The following GAA variants were observed in gnomAD, a reference collection of about 807,000 sequenced individuals.
GAA encodes lysosomal alpha-glucosidase.
GAA carries 88 observed loss-of-function variants against 103.9 expected under a neutral mutation model. That is an observed-to-expected ratio of 0.85 (90% CI 0.71 to 1.01). The LOEUF (loss-of-function observed/expected upper bound fraction) is 1.01, where lower values mean the gene tolerates loss of function less well. Among genes scored for constraint, GAA ranks in the 50% least tolerant of loss-of-function variants. The probability of loss-of-function intolerance (pLI) is 0.00; values close to 1 mark genes in which losing one functional copy is unlikely to be tolerated. For synonymous variants in GAA, 572 were observed against 563.1 expected, an observed-to-expected ratio of 1.02 and a Z score of -0.22; for missense variants, 1,350 against 1,305.3, an observed-to-expected ratio of 1.03 and a Z score of -0.53.
chr17:80,110,891 A>T (rs1413842152), intron 10 of GAA, 50 bp from the exon 11 acceptor site: 1 of 1,612,706 alleles, frequency 6.2e-7, no homozygotes, highest in Non-Finnish European at 8.5e-7. Flanking sequence ...GGACTACCCC[A>T]CCCTCCTCAC....
At chr17:80,114,058 T>C (rs909893044) in intron 15 of GAA, among the ~76,000 whole-genome samples, 3 of 133,378 alleles carry the variant, frequency 2.2e-5, no homozygotes, top group East Asian at 2.1e-4. Context: ...GATAAGTGAA[T>C]GTGTATCTCT....
chr17:80,108,416 C>T lies in GAA; in HGVS notation c.1075+7C>T, dbSNP rs1394701272. 6.2e-7 allele frequency: 1 copy of T among 1,613,126 alleles called. No individual in the cohort carries two copies. Among genetic ancestry groups the T allele is most frequent in the African/African-American group, 1.3e-5 (1 of 74,938 alleles). ...CAGTACCTGGACGTTGTGGGTAGGGCCTGCTCCCTGGCCGCGGCCCCCGCC... is the reference window on the plus strand; with the variant it reads ...CAGTACCTGGACGTTGTGGGTAGGGTCTGCTCCCTGGCCGCGGCCCCCGCC... On this transcript the variant is annotated splice_region_variant and intron_variant, in intron 6 of 19. Coordinates refer to ENST00000302262, the MANE Select transcript of GAA (RefSeq NM_000152.5).
At position 80,107,587 on chromosome 17, in the gene GAA, T is replaced by G. The variant is rs1160112655; in HGVS notation, c.723T>G (p.Phe241Leu). 1.2e-6 allele frequency: 2 copies of G among 1,613,022 alleles called. No individual in the cohort carries two copies. The highest frequency in any genetic ancestry group is 1.7e-6 in the Non-Finnish European group (2 of 1,179,886). ...LLNTTVAPLF[F>L]ADQFLQLSTS... ...ACACGACGGTGGCGCCCCTGTTCTT[T>G]GCGGACCAGTTCCTTCAGCTGTCCA... The change falls in exon 4 of 20, where the codon TTT becomes TTG. Residue 241 changes from phenylalanine (F) to leucine (L), a missense_variant. Physicochemically the swap from Phe to Leu is conservative, Grantham distance 22 (BLOSUM62 0). Transcript: ENST00000302262.
rs9901190 is a variant in GAA, at chr17:80,108,051, C to A, written c.955+155C>A. On this transcript the variant is annotated intron_variant, in intron 5 of 19. Transcript: ENST00000302262. ...GGGCTGATGCCTCTCCCAACTCTGGCCTTCTGTGCTCCTAAGGAGGGTTCT... is the reference window on the plus strand; with the variant it reads ...GGGCTGATGCCTCTCCCAACTCTGGACTTCTGTGCTCCTAAGGAGGGTTCT... Among the ~76,000 whole-genome samples, 9,061 of 152,238 alleles carry A rather than the reference C, an allele frequency of 0.06. 545 individuals carry two copies. Among genetic ancestry groups the A allele is most frequent in the South Asian group, 0.15 (722 of 4,826 alleles).
rs1401872637 is a variant in GAA at position 80,111,147 on chromosome 17, G to C, written c.1636+122G>C. On this transcript the variant is annotated intron_variant, in intron 11 of 19. Coordinates refer to ENST00000302262, the MANE Select transcript of GAA (RefSeq NM_000152.5). ...TGGGCCAGCGGGGAAAGGGGCGGGG[G>C]GGGGATCCCCAGGAGAAAGGCTCAG... 3.2e-5 allele frequency: 30 copies of C among 941,954 alleles called. No individual in the cohort carries two copies. In the East Asian group the frequency reaches 5.0e-4, roughly 16 times the overall value. 58.3% of individuals were successfully genotyped at this position (941,954 alleles called of 1,614,324 possible).
chr17:80,118,908 C>A, intron 19 of GAA, 103 bp downstream of exon 19: 1 of 1,396,506 alleles, frequency 7.2e-7, no homozygotes, highest in Non-Finnish European at 9.9e-7. Context: ...ACAGAGGATG[C>A]TGGGACCTCC....
chr17:80,103,253 C>G (rs1334171806), intron 1 of GAA, among the ~76,000 whole-genome samples: 1 of 152,216 alleles, frequency 6.6e-6, no homozygotes, highest in Non-Finnish European at 1.5e-5. Context: ...TTTCTGAAAT[C>G]CTTGCCTGCC....
At chr17:80,109,034 C>T (rs1013586040) in intron 8 of GAA, among the ~76,000 whole-genome samples, 5 of 152,150 alleles carry the variant, frequency 3.3e-5, no homozygotes, top group Non-Finnish European at 5.9e-5. Context: ...CAGAAATGGC[C>T]GGGTGCTACT....
At chr17:80,118,854 C>T (rs370954141) in intron 19 of GAA, 49 bp downstream of exon 19, 134 of 1,604,746 alleles carry the variant, frequency 8.4e-5, no homozygotes, top group Non-Finnish European at 1.1e-4. Flanking sequence ...AGCCGTGGTG[C>T]AGGGGGCAGA....
intron 15 of GAA, among the ~76,000 whole-genome samples, chr17:80,113,793 T>C (rs1477125264): frequency 7.0e-6 from 1 of 142,614 alleles, no homozygotes; most frequent in Non-Finnish European, 1.6e-5. Context: ...CTGAGGCGAG[T>C]GGATCACCTG....
At chr17:80,105,282 C>T in intron 2 of GAA, 150 bp downstream of exon 2, 1 of 791,924 alleles carries the variant, frequency 1.3e-6, no homozygotes, top group South Asian at 1.8e-5. Context: ...AATGGCAGCG[C>T]CCCTCGGGGA....
At chr17:80,119,218 G>T in intron 19 of GAA, 54 bp from the exon 20 acceptor site, 11 of 1,548,840 alleles carry the variant, frequency 7.1e-6, no homozygotes, top group Non-Finnish European at 9.8e-6. Flanking sequence ...GAGCGCTGGG[G>T]TCTCACTGCT....
chr17:80,119,128 C>A, intron 19 of GAA, 144 bp from the exon 20 acceptor site: 1 of 921,266 alleles, frequency 1.1e-6, no homozygotes, highest in Non-Finnish European at 1.8e-6. Context: ...TGCGAAGCAT[C>A]CCAGGGCCAG....
At chr17:80,115,911 G>A (rs1009775722) in intron 15 of GAA, among the ~76,000 whole-genome samples, 1 of 152,184 alleles carries the variant, frequency 6.6e-6, no homozygotes, top group Non-Finnish European at 1.5e-5. Flanking sequence ...GGGGAGCACC[G>A]TCAACACTTA....
In GAA at chr17:80,104,976, A is replaced by G. The variant is rs1598570291; in HGVS notation, c.390A>G (p.Pro130=). Residue 130 remains proline (P), a synonymous_variant, in exon 2 of 20, where the codon CCA becomes CCG. Transcript: ENST00000302262. This position sits in a 1 kb window ranked among gnomAD's most constrained non-coding sequence, Gnocchi z 4.0. ...TGGGGCAGCCCTGGTGCTTCTTCCC[A>G]CCCAGCTACCCCAGCTACAAGCTGG... is the stretch of plus-strand genomic sequence containing the variant. The part of the protein sequence containing the change: ...AQMGQPWCFF[P]PSYPSYKLEN... 6.2e-7 allele frequency: 1 copy of G among 1,612,356 alleles called. No homozygotes were observed. The highest frequency in any genetic ancestry group is 1.3e-5 in the African/African-American group (1 of 74,854).
intron 11 of GAA, 50 bp from the exon 12 acceptor site, chr17:80,111,933 G>T: frequency 6.6e-7 from 1 of 1,525,746 alleles, no homozygotes; most frequent in Non-Finnish European, 9.0e-7. Flanking sequence ...AGGGCACCTT[G>T]GAGCCTGCCG....
chr17:80,104,750 C>T lies in GAA; in HGVS notation c.164C>T (p.Ala55Val). 6.2e-7 allele frequency: 1 copy of T among 1,611,110 alleles called. No individual in the cohort carries two copies. Among genetic ancestry groups the T allele is most frequent in the Non-Finnish European group, 8.5e-7 (1 of 1,179,256 alleles). The stretch of plus-strand genomic sequence containing the variant: ...CCAGTCCTGGAGGAGACTCACCCAG[C>T]TCACCAGCAGGGAGCCAGCAGACCA... ...SSPVLEETHP[A>V]HQQGASRPGP... The change falls in exon 2 of 20, where the codon GCT (alanine) becomes GTT (valine). Residue 55 changes from alanine (A) to valine (V), a missense_variant. Ala to Val is a moderately conservative substitution (Grantham distance 64, BLOSUM62 0). Transcript: ENST00000302262. This position sits in a 1 kb window ranked among gnomAD's most constrained non-coding sequence, Gnocchi z 4.0.
rs544579979 is a variant in GAA, at chr17:80,117,774, G to C, written c.2481+25G>C. On this transcript the variant is annotated intron_variant, in intron 17 of 19. Transcript: ENST00000302262. ...GGTACCTGGGCCAGGCGGCTATGGT[G>C]GGGGTGTGGACAGCACACTGCAGAG... The C allele has an allele frequency of 2.7e-5, 43 of 1,595,094 alleles. No homozygotes were observed. In the East Asian group the frequency reaches 9.0e-4, roughly 33 times the overall value.
rs753420582 is a variant in GAA at position 80,112,708 on chromosome 17, C to T, written c.1885C>T (p.Pro629Ser). Reference sequence around the variant, plus strand: ...CTGGGAGCAGCTCGCCTCCTCCGTGCCAGGTGAGCTCCTACCAGGAGGGGC... The same window carrying T: ...CTGGGAGCAGCTCGCCTCCTCCGTGTCAGGTGAGCTCCTACCAGGAGGGGC... ...SSWEQLASSV[P>S]EILQFNLLGV... The change falls in exon 13 of 20, where the codon CCA becomes TCA. Residue 629 changes from proline (P) to serine (S), a missense_variant. Transcript: ENST00000302262. The T allele has an allele frequency of 5.0e-6, 8 of 1,606,826 alleles. No individual in the cohort carries two copies. The highest frequency in any genetic ancestry group is 6.8e-6 in the Non-Finnish European group (8 of 1,177,448).
Sources: gnomAD v4.1 joint callset for allele counts (sites outside exome capture counted in the v4.1 genomes callset) on GRCh38, gnomAD v4.1.1 for gene constraint, Gnocchi (gnomAD v3.1) non-coding constraint, MANE v1.5 for transcripts, NCBI Gene and HGNC (gene_info 2026-07-23, HGNC 2026-07-21) for gene names.